The following GBP5 variants were observed in gnomAD, a reference collection of about 807,000 sequenced individuals.
GBP5 encodes the protein guanylate binding protein 5.
A neutral mutation model predicts 58.2 loss-of-function variants in GBP5; 48 were observed. The observed-to-expected ratio is 0.83, with a 90% confidence interval of 0.65 to 1.05. The LOEUF (loss-of-function observed/expected upper bound fraction) is 1.05. Ranked by LOEUF, GBP5 falls within the 50% of genes least tolerant of loss-of-function variation. GBP5 has a pLI of 0.00. For synonymous variants in GBP5, 248 were observed against 251.8 expected (o/e 0.98, Z 0.14); for missense variants, 714 against 686.8 (o/e 1.04, Z -0.44).
Position 89,257,395 on chromosome 1 carries a change from G to A in GBP5, c.*3309C>T, listed in dbSNP as rs573226024. 2.8e-4 allele frequency among the ~76,000 whole-genome samples: 42 copies of A among 152,184 alleles called. No individual in the cohort carries two copies. Among genetic ancestry groups the A allele is most frequent in the African/African-American group, 9.6e-4 (40 of 41,504 alleles). ...CACCTGGTCCCTCCCACAACACGTGGGCATTATGGGAGCCATAATTCAAGA... is the reference window on the plus strand; with the variant it reads ...CACCTGGTCCCTCCCACAACACGTGAGCATTATGGGAGCCATAATTCAAGA... On this transcript the variant is annotated 3_prime_UTR_variant, in exon 12 of 12. Coordinates refer to ENST00000370459, the MANE Select transcript of GBP5 (RefSeq NM_052942.5).
rs1373292074 is a variant in GBP5, at chr1:89,260,335, G to A, written c.*369C>T. 1 of 175,410 alleles carries A rather than the reference G, an allele frequency of 5.7e-6. No individual in the cohort carries two copies. The highest frequency in any genetic ancestry group is 1.6e-4 in the East Asian group (1 of 6,418). 10.9% of individuals were successfully genotyped at this position (175,410 alleles called of 1,614,324 possible). ...ACAGATCAGAGCTAGTCTATGGCCT[G>A]AGGGTTGGGAAGCCCTGCTCTAGGT... On this transcript the variant is annotated 3_prime_UTR_variant, in exon 12 of 12. Transcript: ENST00000370459.
rs777027816 is a variant in GBP5 at position 89,267,052 on chromosome 1, A to G, written c.530T>C (p.Val177Ala). The G allele has an allele frequency of 6.2e-7, 1 of 1,613,322 alleles. No individual in the cohort carries two copies. Among genetic ancestry groups the G allele is most frequent in the Admixed American group, 1.7e-5 (1 of 59,678 alleles). Residue 177 changes from valine (V) to alanine (A), a missense_variant, in exon 6 of 12, where the codon GTG (valine) becomes GCG (alanine). Transcript: ENST00000370459. ...ADSASFFPDL[V>A]WTLRDFCLGL... is the part of the protein sequence containing the mutation. ...TAAGCAGAAATCTCTCAGAGTCCAC[A>G]CTAAGTCTGGGAAGAAGCTCGCAGA... is the stretch of plus-strand genomic sequence containing the variant.
intron 9 of GBP5, 197 bp from the exon 10 acceptor site, chr1:89,262,982 G>T: frequency 2.6e-5 from 11 of 422,924 alleles, no homozygotes; most frequent in South Asian, 2.0e-4. Flanking sequence ...GACTGGAGAG[G>T]CTTGTGGAAC....
At chr1:89,272,347 G>A (rs1285203121) in intron 1 of GBP5, 105 bp downstream of exon 1, 1 of 152,238 alleles carries the variant, frequency 6.6e-6, no homozygotes, top group Non-Finnish European at 1.5e-5. Context: ...TCTTTACTGA[G>A]GTCTGATATA....
chr1:89,268,848 C>G lies in GBP5; in HGVS notation c.199G>C (p.Val67Leu). Reference protein sequence around the residue: ...KLAGKNKGFSVASTVQSHTKG... With the variant: ...KLAGKNKGFSLASTVQSHTKG... ...GTGTGAGACTGCACCGTAGATGCAACAGAGAAGCCTGTCAGGGGGAGTGAG... is the reference window on the plus strand; with the variant it reads ...GTGTGAGACTGCACCGTAGATGCAAGAGAGAAGCCTGTCAGGGGGAGTGAG... The change falls in exon 4 of 12, where the codon GTT (valine) becomes CTT (leucine). Residue 67 changes from valine to leucine, a missense_variant. Physicochemically the swap from Val to Leu is conservative, Grantham distance 32 (BLOSUM62 1). Coordinates refer to ENST00000370459, the MANE Select transcript of GBP5 (RefSeq NM_052942.5). 6.2e-7 allele frequency: 1 copy of G among 1,613,622 alleles called. No homozygotes were observed. The highest frequency in any genetic ancestry group is 1.7e-5 in the Admixed American group (1 of 59,946).
intron 1 of GBP5, chr1:89,271,828 G>A (rs1005603599): frequency 6.6e-6 from 1 of 152,176 alleles, no homozygotes; most frequent in African/African-American, 2.4e-5. Flanking sequence ...TAATAGTAAA[G>A]GCAATAGAGT....
Position 89,272,466 on chromosome 1 carries a change from G to T in GBP5, c.-142C>A. 1 of 172,718 alleles carries T rather than the reference G, an allele frequency of 5.8e-6. No individual in the cohort carries two copies. Among genetic ancestry groups the T allele is most frequent in the South Asian group, 1.8e-4 (1 of 5,542 alleles). The allele number at this position is 172,718 out of a possible 1,614,324, so 10.7% of individuals were successfully genotyped here. ...CCCAGTCTTACCGTGTCCGGAATTG[G>T]TGGGTTCTTGGTCTCACTGACTTCA... On this transcript the variant is annotated 5_prime_UTR_variant, in exon 1 of 12. Transcript: ENST00000370459.
intron 1 of GBP5, 184 bp downstream of exon 1, chr1:89,272,268 T>C (rs1650489535): frequency 6.6e-6 from 1 of 152,242 alleles, no homozygotes; most frequent in African/African-American, 2.4e-5. Flanking sequence ...TGATGTCTAA[T>C]TCAGCAAGAG....
At chr1:89,265,623 G>C (rs1229911356) in intron 7 of GBP5, among the ~76,000 whole-genome samples, 1 of 150,192 alleles carries the variant, frequency 6.7e-6, no homozygotes, top group African/African-American at 2.5e-5. Context: ...AGCTACTCAG[G>C]AGGCTGAGGC....
intron 8 of GBP5, 126 bp from the exon 9 acceptor site, chr1:89,264,074 T>TA (rs1244571341): frequency 6.4e-6 from 4 of 625,728 alleles, no homozygotes; most frequent in Non-Finnish European, 1.1e-5. Context: ...AGCAAGACTA[T>TA]ATCCTTCCCA....
In GBP5 at chr1:89,267,080, C is replaced by T; in HGVS notation, c.502G>A (p.Asp168Asn). 6.2e-7 allele frequency: 1 copy of T among 1,613,348 alleles called. No homozygotes were observed. The highest frequency in any genetic ancestry group is 8.5e-7 in the Non-Finnish European group (1 of 1,179,834). Residue 168 changes from aspartate to asparagine, a missense_variant, in exon 6 of 12, where the codon GAC becomes AAC. Asp to Asn is a conservative substitution (Grantham distance 23). Coordinates refer to ENST00000370459, the MANE Select transcript of GBP5 (RefSeq NM_052942.5). Reference protein sequence around the residue: ...PDLDRVEDPADSASFFPDLVW... With the variant: ...PDLDRVEDPANSASFFPDLVW... ...AAGTCTGGGAAGAAGCTCGCAGAGT[C>T]AGCAGGATCTTCAACCCTGTCAAGG... is the stretch of plus-strand genomic sequence containing the variant.
Position 89,260,490 on chromosome 1 carries a change from C to A in GBP5, c.*214G>T. 2.2e-6 allele frequency: 1 copy of A among 464,644 alleles called. No homozygotes were observed. The allele number at this position is 464,644 out of a possible 1,614,324, so 28.8% of individuals were successfully genotyped here. Reference sequence around the variant, plus strand: ...CAATGTCCCTTATACAATTTATAATCTCTTAAAGGAAGCAATAAACATTTA... The same window carrying A: ...CAATGTCCCTTATACAATTTATAATATCTTAAAGGAAGCAATAAACATTTA... On this transcript the variant is annotated 3_prime_UTR_variant, in exon 12 of 12. Transcript: ENST00000370459.
rs774010160 is a variant in GBP5, at chr1:89,269,357, A to AC, written c.190+8dup. On this transcript the variant is annotated intron_variant, in intron 3 of 11. Transcript: ENST00000370459. ...AAGGGTTTGGCAGAGCTTTGCTGGT[A>AC]CCACTCACCCTTGTTCTTCCCAGCC... 1.9e-6 allele frequency: 3 copies of AC among 1,613,462 alleles called. No homozygotes were observed. The highest frequency in any genetic ancestry group is 2.5e-6 in the Non-Finnish European group (3 of 1,179,604).
rs777397329 is a variant in GBP5 at position 89,268,827 on chromosome 1, G to C, written c.220C>G (p.His74Asp). The C allele has an allele frequency of 6.2e-7, 1 of 1,613,878 alleles. No individual in the cohort carries two copies. Among genetic ancestry groups the C allele is most frequent in the African/African-American group, 1.3e-5 (1 of 74,888 alleles). ...GFSVASTVQS[H>D]TKGIWIWCVP... Reference sequence around the variant, plus strand: ...CACCATATCCAAATTCCCTTGGTGTGAGACTGCACCGTAGATGCAACAGAG... The same window carrying C: ...CACCATATCCAAATTCCCTTGGTGTCAGACTGCACCGTAGATGCAACAGAG... Residue 74 changes from histidine (H) to aspartate (D), a missense_variant, in exon 4 of 12, where the codon CAC (histidine) becomes GAC (aspartate). Physicochemically the swap from His to Asp is moderately conservative, Grantham distance 81 (BLOSUM62 -1). Coordinates refer to ENST00000370459, the MANE Select transcript of GBP5 (RefSeq NM_052942.5).
intron 4 of GBP5, 64 bp from the exon 5 acceptor site, chr1:89,267,590 T>C (rs6690597): frequency 0.54 from 509,690 of 946,264 alleles, 140,360 homozygotes; most frequent in Middle Eastern, 0.58. Flanking sequence ...TATTTAAAAA[T>C]AGGCTCTTGT....
Position 89,258,330 on chromosome 1 carries a change from A to G in GBP5, c.*2374T>C, listed in dbSNP as rs1275941370. ...TTTCTGAGTCTCAGGATTTTAAAAA[A>G]TTTCTTTAAGATGGGTAATAAAGAT... On this transcript the variant is annotated 3_prime_UTR_variant, in exon 12 of 12. Coordinates refer to ENST00000370459, the MANE Select transcript of GBP5 (RefSeq NM_052942.5). 3.9e-5 allele frequency among the ~76,000 whole-genome samples: 6 copies of G among 152,230 alleles called. No individual in the cohort carries two copies. Among genetic ancestry groups the G allele is most frequent in the Non-Finnish European group, 7.3e-5 (5 of 68,036 alleles).
Position 89,268,772 on chromosome 1 carries a change from G to A in GBP5, c.275C>T (p.Thr92Ile). ...CVPHPNWPNH[T>I]LVLLDTEGLG... ...GCCCTCGGTGTCAAGCAGAACTAAT[G>A]TGTGATTTGGCCAGTTGGGATGAGG... The change falls in exon 4 of 12, where the codon ACA (threonine) becomes ATA (isoleucine). Residue 92 changes from threonine (T) to isoleucine (I), a missense_variant. By Grantham distance (89) the Thr-to-Ile change is moderately conservative (BLOSUM62 -1). Coordinates refer to ENST00000370459, the MANE Select transcript of GBP5 (RefSeq NM_052942.5). The A allele has an allele frequency of 2.5e-6, 4 of 1,613,968 alleles. No individual in the cohort carries two copies. Among genetic ancestry groups the A allele is most frequent in the Non-Finnish European group, 3.4e-6 (4 of 1,179,946 alleles).
At chr1:89,269,780 T>A in intron 2 of GBP5, 1 of 373,708 alleles carries the variant, frequency 2.7e-6, no homozygotes, top group African/African-American at 2.0e-5. Flanking sequence ...CCTTTATATG[T>A]CTACTATAGG....
In GBP5 at chr1:89,257,537, T is replaced by C. The variant is rs1177674150; in HGVS notation, c.*3167A>G. Among the ~76,000 whole-genome samples the C allele has an allele frequency of 2.0e-5, 3 of 151,386 alleles. No individual in the cohort carries two copies. The highest frequency in any genetic ancestry group is 7.3e-5 in the African/African-American group (3 of 41,354). ...GGCCTTCTGTGGTACTGACCTTAAT[T>C]TATTTAATTTCAATGCTTTAACAAT... On this transcript the variant is annotated 3_prime_UTR_variant, in exon 12 of 12. Coordinates refer to ENST00000370459, the MANE Select transcript of GBP5 (RefSeq NM_052942.5).
Sources: gnomAD v4.1 joint callset for allele counts (sites outside exome capture counted in the v4.1 genomes callset) on GRCh38, gnomAD v4.1.1 for gene constraint, MANE v1.5 for transcripts, NCBI Gene and HGNC (gene_info 2026-07-23, HGNC 2026-07-21) for gene names.